PTPRT: variants seen among roughly 807,000 people sequenced by gnomAD.
The protein encoded by PTPRT is protein tyrosine phosphatase receptor type T, also known as receptor-type tyrosine-protein phosphatase T.
A neutral mutation model predicts 176.8 loss-of-function variants in PTPRT; 56 were observed. The ratio of observed to expected loss-of-function variants is 0.32; its 90% CI spans 0.26 to 0.40. The LOEUF (loss-of-function observed/expected upper bound fraction) is 0.40, where lower values mean the gene tolerates loss of function less well. Among genes scored for constraint, PTPRT ranks in the 10% least tolerant of loss-of-function variants. The pLI, the probability that PTPRT is intolerant of heterozygous loss-of-function variation, is 1.00. For missense variants in PTPRT, 1,540 were observed against 1,908.2 expected, an observed-to-expected ratio of 0.81 and a Z score of 3.60; for synonymous variants, 783 against 739.0, an observed-to-expected ratio of 1.06 and a Z score of -0.96.
the PTPRT span, among the ~76,000 whole-genome samples, chr20:42,054,130 T>C: frequency 6.6e-6 from 1 of 152,190 alleles, no homozygotes; most frequent in Non-Finnish European, 1.5e-5. Flanking sequence ...ATGTTTCTCA[T>C]GGCCCAACAT....
intron 2 of PTPRT, among the ~76,000 whole-genome samples, chr20:42,813,455 G>A (rs566806806): frequency 7.5e-6 from 1 of 134,198 alleles, no homozygotes; most frequent in South Asian, 2.4e-4. Flanking sequence ...TTCCTTCCTT[G>A]TTTCTTTTCT....
intron 7 of PTPRT, among the ~76,000 whole-genome samples, chr20:42,590,656 TTTAA>T (rs1360742772): frequency 1.3e-5 from 2 of 152,132 alleles, no homozygotes; most frequent in Non-Finnish European, 2.9e-5. Context: ...GAGAAGATTG[TTTAA>T]TTGAGTCTTC....
chr20:42,403,942 C>T (rs923349565), intron 9 of PTPRT, among the ~76,000 whole-genome samples: 5 of 152,076 alleles, frequency 3.3e-5, no homozygotes, highest in African/African-American at 4.8e-5. Context: ...CCCTCTAGGC[C>T]CTCTGGGATT....
chr20:42,429,550 C>T (rs4810356), intron 9 of PTPRT, among the ~76,000 whole-genome samples: 120,504 of 152,000 alleles, frequency 0.79, 48,045 homozygotes, highest in Admixed American at 0.85. Flanking sequence ...GAAGGCAAGG[C>T]AACACAGTGA....
chr20:42,478,541 C>T (rs552265636), intron 7 of PTPRT, among the ~76,000 whole-genome samples: 44 of 152,264 alleles, frequency 2.9e-4, no homozygotes, highest in Non-Finnish European at 5.3e-4. Context: ...CTTATCAAAT[C>T]CTGTATTCTT....
chr20:42,069,962 G>A (rs529303402), downstream of PTPRT, among the ~76,000 whole-genome samples: 1 of 152,150 alleles, frequency 6.6e-6, no homozygotes, highest in Non-Finnish European at 1.5e-5. Flanking sequence ...ATGAGTCCAG[G>A]CTCAGTCCTG....
At chr20:43,089,189 G>A (rs929641100) in intron 1 of PTPRT, among the ~76,000 whole-genome samples, 3 of 152,144 alleles carry the variant, frequency 2.0e-5, no homozygotes, top group Admixed American at 6.5e-5. Flanking sequence ...GAGGAATTGA[G>A]GCTCAGAGAT....
At chr20:42,813,826 A>G (rs1187525778) in intron 2 of PTPRT, among the ~76,000 whole-genome samples, 2 of 152,158 alleles carry the variant, frequency 1.3e-5, no homozygotes. Flanking sequence ...CAGATTCACT[A>G]CATCTACTTG....
At chr20:43,077,616 G>A (rs1170799309) in intron 1 of PTPRT, among the ~76,000 whole-genome samples, 2 of 152,276 alleles carry the variant, frequency 1.3e-5, no homozygotes, top group African/African-American at 4.8e-5. Flanking sequence ...TCCAGAGAGA[G>A]TAGAAAAAGC....
intron 2 of PTPRT, among the ~76,000 whole-genome samples, chr20:42,829,068 G>T (rs968936670): frequency 6.6e-6 from 1 of 152,102 alleles, no homozygotes; most frequent in African/African-American, 2.4e-5. Context: ...CCAGAAGGGG[G>T]GCTATACCAT....
At chr20:43,003,384 C>T (rs1025025464) in intron 1 of PTPRT, among the ~76,000 whole-genome samples, 1 of 152,034 alleles carries the variant, frequency 6.6e-6, no homozygotes, top group Non-Finnish European at 1.5e-5. Flanking sequence ...GACTAGGGGC[C>T]GGTGGGAGGG....
intron 17 of PTPRT, among the ~76,000 whole-genome samples, chr20:42,152,065 C>T (rs990887690): frequency 2.0e-5 from 3 of 152,150 alleles, no homozygotes; most frequent in Non-Finnish European, 2.9e-5. Context: ...TGTGCACAAT[C>T]GAAGAGCATT....
intron 6 of PTPRT, among the ~76,000 whole-genome samples, chr20:42,741,739 G>C (rs1215849965): frequency 6.6e-6 from 1 of 152,122 alleles, no homozygotes; most frequent in Non-Finnish European, 1.5e-5. Flanking sequence ...TTGGATAAGA[G>C]AGGGTGAGAA....
chr20:42,470,567 G>T (rs564591075), intron 8 of PTPRT, among the ~76,000 whole-genome samples: 9 of 152,192 alleles, frequency 5.9e-5, no homozygotes, highest in African/African-American at 2.2e-4. Flanking sequence ...CTGGCTGGAG[G>T]GGAAACTGAA....
chr20:42,831,481 T>A (rs2078087336), intron 2 of PTPRT, among the ~76,000 whole-genome samples: 1 of 152,080 alleles, frequency 6.6e-6, no homozygotes, highest in African/African-American at 2.4e-5. Context: ...AAAGATTTCA[T>A]GACAAAGATA....
At chr20:43,119,737 C>T (rs1183795261) in intron 1 of PTPRT, among the ~76,000 whole-genome samples, 1 of 152,216 alleles carries the variant, frequency 6.6e-6, no homozygotes, top group South Asian at 2.1e-4. Flanking sequence ...CATAACATCC[C>T]AGTACCACTT....
intron 1 of PTPRT, among the ~76,000 whole-genome samples, chr20:43,049,228 A>T (rs1986955168): frequency 6.6e-6 from 1 of 152,192 alleles, no homozygotes; most frequent in South Asian, 2.1e-4. Context: ...GCATTCTGTC[A>T]GTGCTTTTAA....
chr20:42,918,101 CA>C (rs1978899691), intron 1 of PTPRT, among the ~76,000 whole-genome samples: 2 of 152,034 alleles, frequency 1.3e-5, no homozygotes, highest in South Asian at 4.2e-4. Flanking sequence ...TCTTTCAGTT[CA>C]GGGGCAGTAA....
chr20:42,675,292 C>T (rs2075482400), intron 7 of PTPRT, among the ~76,000 whole-genome samples: 1 of 152,202 alleles, frequency 6.6e-6, no homozygotes, highest in African/African-American at 2.4e-5. Context: ...AGAAGCGTTT[C>T]AGATTTCAGA....
Sources: allele counts gnomAD v4.1 joint callset (sites outside exome capture counted in the v4.1 genomes callset), GRCh38; gene constraint gnomAD v4.1.1; transcripts MANE v1.5; gene names NCBI Gene and HGNC (gene_info 2026-07-23, HGNC 2026-07-21).